TADA2A: variants seen among roughly 807,000 people sequenced by gnomAD.
TADA2A encodes transcriptional adaptor 2A, also known as transcriptional adapter 2-alpha.
TADA2A carries 38 observed loss-of-function variants against 67.4 expected under a neutral mutation model. The observed-to-expected ratio is 0.56, with a 90% confidence interval of 0.44 to 0.74. The LOEUF is 0.74. TADA2A is among the 30% of genes least tolerant of loss of function. The pLI, the probability that TADA2A is intolerant of heterozygous loss-of-function variation, is 0.00. For missense variants in TADA2A, 454 were observed against 547.0 expected, an observed-to-expected ratio of 0.83 and a Z score of 1.70; for synonymous variants, 192 against 181.6, an observed-to-expected ratio of 1.06 and a Z score of -0.46.
At chr17:37,448,481 A>G (rs972109863) in intron 8 of TADA2A, among the ~76,000 whole-genome samples, 6 of 152,218 alleles carry the variant, frequency 3.9e-5, no homozygotes, top group Non-Finnish European at 7.3e-5. Context: ...TGTTTGGTTC[A>G]GAAAGAGAGA....
intron 4 of TADA2A, among the ~76,000 whole-genome samples, chr17:37,435,464 A>G (rs2052696421): frequency 6.6e-6 from 1 of 151,174 alleles, no homozygotes; most frequent in Non-Finnish European, 1.5e-5. Flanking sequence ...AATTTTTTGT[A>G]TTTTTAGTAG....
chr17:37,453,248 T>C (rs1666853759), intron 8 of TADA2A, among the ~76,000 whole-genome samples: 1 of 152,236 alleles, frequency 6.6e-6, no homozygotes, highest in Admixed American at 6.5e-5. Flanking sequence ...TGAGTCAGTA[T>C]GTGGTATCAG....
chr17:37,474,874 C>CATA (rs1210348864), intron 15 of TADA2A, among the ~76,000 whole-genome samples: 6 of 152,156 alleles, frequency 3.9e-5, no homozygotes, highest in Non-Finnish European at 7.3e-5. Context: ...ATGTAGATGA[C>CATA]ATAATAATAG....
chr17:37,475,956 C>A (rs1258132607), intron 15 of TADA2A, among the ~76,000 whole-genome samples: 1 of 152,154 alleles, frequency 6.6e-6, no homozygotes, highest in East Asian at 1.9e-4. Context: ...TCATATGCTC[C>A]TTTTATAATT....
At chr17:37,465,051 G>T (rs1218220094) in intron 10 of TADA2A, among the ~76,000 whole-genome samples, 3 of 151,040 alleles carry the variant, frequency 2.0e-5, no homozygotes, top group Admixed American at 1.3e-4. Flanking sequence ...GGGAGGTTGA[G>T]GTAGGAGAAT....
At chr17:37,469,416 TTGAGG>T (rs1260516587) in intron 12 of TADA2A, among the ~76,000 whole-genome samples, 3 of 151,458 alleles carry the variant, frequency 2.0e-5, no homozygotes, top group Non-Finnish European at 4.4e-5. Flanking sequence ...GGCGGATCAC[TTGAGG>T]TCCAGAGTTC....
At chr17:37,418,532 G>GAA (rs1331242218) in intron 2 of TADA2A, among the ~76,000 whole-genome samples, 1 of 151,870 alleles carries the variant, frequency 6.6e-6, no homozygotes, top group Non-Finnish European at 1.5e-5. Context: ...GTATTGTCAT[G>GAA]AAAACATGTC....
At chr17:37,442,693 A>G (rs2147975735) in intron 7 of TADA2A, 41 bp downstream of exon 7, 1 of 1,589,632 alleles carries the variant, frequency 6.3e-7, no homozygotes, top group Non-Finnish European at 8.6e-7. Flanking sequence ...GGAAAAATTC[A>G]TTTTTGTTTC....
rs112202263 is a variant in TADA2A, at chr17:37,419,918, G to A, written c.26-3591G>A. On this transcript the variant is annotated intron_variant, in intron 2 of 15. Transcript: ENST00000615182. ...TAGTCCCAGCTACTCGGGAGGCTGAGGGAGAAGAATCGCCTGAATCCAGGA... is the reference window on the plus strand; with the variant it reads ...TAGTCCCAGCTACTCGGGAGGCTGAAGGAGAAGAATCGCCTGAATCCAGGA... Among the ~76,000 whole-genome samples the A allele has an allele frequency of 6.0e-3, 878 of 146,310 alleles. 59 individuals are homozygous for A. The highest frequency in any genetic ancestry group is 0.019 in the African/African-American group (750 of 40,378).
intron 2 of TADA2A, among the ~76,000 whole-genome samples, chr17:37,415,607 C>T (rs1031033482): frequency 6.6e-6 from 1 of 150,860 alleles, no homozygotes; most frequent in Non-Finnish European, 1.5e-5. Context: ...CGGCTGGGCG[C>T]GGTGGCTCAG....
intron 2 of TADA2A, 24 bp downstream of exon 2, chr17:37,411,414 C>T (rs1488574106): frequency 1.2e-6 from 2 of 1,607,664 alleles, no homozygotes; most frequent in Non-Finnish European, 1.7e-6. Flanking sequence ...GAACAAGTCT[C>T]AGGTGACTTA....
At position 37,421,791 on chromosome 17, in the gene TADA2A, CA is replaced by C. The variant is rs1195906262; in HGVS notation, c.26-1708del. Among the ~76,000 whole-genome samples, 25 of 103,056 alleles carry C rather than the reference CA, an allele frequency of 2.4e-4. 1 individual carries two copies. Among genetic ancestry groups the C allele is most frequent in the East Asian group, 1.1e-3 (3 of 2,800 alleles). 67.6% of individuals were successfully genotyped at this position (103,056 alleles called of 152,430 possible). A position where few individuals can be genotyped will look rare whatever the true frequency, so the allele number is the denominator to read the frequency against. On this transcript the variant is annotated intron_variant, in intron 2 of 15. Transcript: ENST00000615182. The stretch of plus-strand genomic sequence containing the variant: ...TAGGTGACAGAGTGAGACCCTATCT[CA>C]AAAAAAAAAGGAGTTTTCTCTTATT...
chr17:37,456,840 G>T (rs2053406227), intron 8 of TADA2A, among the ~76,000 whole-genome samples: 1 of 152,112 alleles, frequency 6.6e-6, no homozygotes. Context: ...CTCTGAAGAT[G>T]GAAAGAGTGG....
intron 14 of TADA2A, among the ~76,000 whole-genome samples, chr17:37,473,053 C>G (rs1326988597): frequency 2.6e-5 from 4 of 151,500 alleles, no homozygotes; most frequent in Non-Finnish European, 4.4e-5. Context: ...CTCAAACTCC[C>G]AGGCCTAAGT....
intron 2 of TADA2A, among the ~76,000 whole-genome samples, chr17:37,417,333 G>A (rs1019444798): frequency 1.3e-5 from 2 of 150,100 alleles, no homozygotes; most frequent in Admixed American, 6.7e-5. Flanking sequence ...CTGAGATCGC[G>A]CCACTGCACT....
chr17:37,437,821 T>C lies in TADA2A; in HGVS notation c.276T>C (p.Phe92=). 1 of 1,614,134 alleles carries C rather than the reference T, an allele frequency of 6.2e-7. No homozygotes were observed. The highest frequency in any genetic ancestry group is 8.5e-7 in the Non-Finnish European group (1 of 1,179,972). Residue 92 remains phenylalanine, a synonymous_variant, in exon 5 of 16, where the codon TTT becomes TTC. Transcript: ENST00000615182. ...ALLEAVMDCG[F]GNWQDVANQM... ...TAGAAGCTGTGATGGACTGTGGCTT[T>C]GGAAATTGGTAAGAGCTTGGTGTTA...
At chr17:37,433,425 C>T (rs998979184) in intron 4 of TADA2A, among the ~76,000 whole-genome samples, 2 of 151,926 alleles carry the variant, frequency 1.3e-5, no homozygotes, top group East Asian at 1.9e-4. Flanking sequence ...TGAGAGGCTG[C>T]GGTAGGAGAA....
At position 37,465,553 on chromosome 17, in the gene TADA2A, T is replaced by C. The variant is rs1478133341; in HGVS notation, c.823+12T>C. ...TGAAAGCCATGCATGTAGGTGGTTT[T>C]TGAGCCTTGAGCAGTATTTGTGTGT... On this transcript the variant is annotated intron_variant, in intron 11 of 15. Transcript: ENST00000615182. 6.2e-7 allele frequency: 1 copy of C among 1,614,092 alleles called. No individual in the cohort carries two copies. Among genetic ancestry groups the C allele is most frequent in the Non-Finnish European group, 8.5e-7 (1 of 1,180,008 alleles).
In TADA2A at chr17:37,440,590, T is replaced by A. The variant is rs2052885751; in HGVS notation, c.370T>A (p.Phe124Ile). 6.2e-7 allele frequency: 1 copy of A among 1,614,102 alleles called. No individual in the cohort carries two copies. Among genetic ancestry groups the A allele is most frequent in the Admixed American group, 1.7e-5 (1 of 60,004 alleles). The change falls in exon 6 of 16, where the codon TTT (phenylalanine) becomes ATT (isoleucine). Residue 124 changes from phenylalanine (F) to isoleucine (I), a missense_variant. Transcript: ENST00000615182. Reference sequence around the variant, plus strand: ...GAAGCATTTCATCAATAACCCTCTGTTTGCATCTACCCTGCTGAACCTGAA... The same window carrying A: ...GAAGCATTTCATCAATAACCCTCTGATTGCATCTACCCTGCTGAACCTGAA... ...YMKHFINNPL[F>I]ASTLLNLKQA...
Sources: allele counts gnomAD v4.1 joint callset (sites outside exome capture counted in the v4.1 genomes callset), GRCh38; gene constraint gnomAD v4.1.1; transcripts MANE v1.5; gene names NCBI Gene and HGNC (gene_info 2026-07-23, HGNC 2026-07-21).